ZNF706: variants seen among roughly 807,000 people sequenced by gnomAD.
ZNF706 encodes the protein transcriptional regulator ZNF706.
A neutral mutation model predicts 9.2 loss-of-function variants in ZNF706; 4 were observed. That is an observed-to-expected ratio of 0.43 (90% CI 0.21 to 0.99). ZNF706 has a LOEUF of 0.99. ZNF706 is among the 50% of genes least tolerant of loss of function. The pLI is 0.26. For missense variants in ZNF706, 27 were observed against 87.8 expected, an observed-to-expected ratio of 0.31 and a Z score of 2.77; for synonymous variants, 28 against 27.3, an observed-to-expected ratio of 1.03 and a Z score of -0.08.
In ZNF706 at chr8:101,201,986, C is replaced by G. The variant is rs1810574336; in HGVS notation, c.-2-243G>C. The stretch of plus-strand genomic sequence containing the variant: ...AGCAATTCCACTCTTGGTATATACC[C>G]AATAGAAATGCAAATGTTATGTACA... On this transcript the variant is annotated intron_variant, in intron 1 of 3. Coordinates refer to ENST00000311212, the MANE Select transcript of ZNF706 (RefSeq NM_016096.5). The surrounding 1 kb of genome is among the most constrained non-coding windows in gnomAD (Gnocchi z 4.5). Among the ~76,000 whole-genome samples the G allele has an allele frequency of 6.6e-6, 1 of 151,946 alleles. No individual in the cohort carries two copies. Among genetic ancestry groups the G allele is most frequent in the Admixed American group, 6.6e-5 (1 of 15,252 alleles).
At chr8:101,204,998 C>G (rs993038435) in intron 1 of ZNF706, 3 of 970,076 alleles carry the variant, frequency 3.1e-6, no homozygotes, top group South Asian at 4.8e-5. Context: ...GCCTGGCGCA[C>G]CTTCCTTCCC....
rs1388637281 is a variant in ZNF706, at chr8:101,199,191, T to C, written c.*61A>G. The stretch of plus-strand genomic sequence containing the variant: ...TGTTAGAAAAGCAGCTGCAGGTATG[T>C]TACCTAAGGTCTGAGACAGTAGAAG... On this transcript the variant is annotated 3_prime_UTR_variant, in exon 4 of 4. Coordinates refer to ENST00000311212, the MANE Select transcript of ZNF706 (RefSeq NM_016096.5). 1.4e-6 allele frequency: 1 copy of C among 697,108 alleles called. No individual in the cohort carries two copies. Among genetic ancestry groups the C allele is most frequent in the Non-Finnish European group, 2.6e-6 (1 of 382,662 alleles). 43.2% of individuals were successfully genotyped at this position (697,108 alleles called of 1,614,324 possible).
chr8:101,197,403 T>C lies in ZNF706; in HGVS notation c.*1849A>G, dbSNP rs1165171994. On this transcript the variant is annotated 3_prime_UTR_variant, in exon 4 of 4. Transcript: ENST00000311212. The stretch of plus-strand genomic sequence containing the variant: ...TGAAGTATAAGGATGATTATGCTCA[T>C]GTAAGATCAATGCAGCTATTTCCCT... 6.6e-6 allele frequency: 1 copy of C among 152,190 alleles called. No individual in the cohort carries two copies. Among genetic ancestry groups the C allele is most frequent in the Non-Finnish European group, 1.5e-5 (1 of 68,016 alleles). The allele number at this position is 152,190 out of a possible 1,614,324, so 9.4% of individuals were successfully genotyped here.
intron 1 of ZNF706, chr8:101,203,231 C>T (rs550467923): frequency 6.6e-6 from 1 of 152,164 alleles, no homozygotes; most frequent in African/African-American, 2.4e-5. Context: ...AAATTAAAGG[C>T]TTTTATTCGA....
Position 101,199,022 on chromosome 8 carries a change from T to G in ZNF706, c.*230A>C, listed in dbSNP as rs896403829. ...TAATTACAATTGTAAAAAAATTTTTTATAACAAGGATGGACTGATTTTCAT... is the reference window on the plus strand; with the variant it reads ...TAATTACAATTGTAAAAAAATTTTTGATAACAAGGATGGACTGATTTTCAT... On this transcript the variant is annotated 3_prime_UTR_variant, in exon 4 of 4. Coordinates refer to ENST00000311212, the MANE Select transcript of ZNF706 (RefSeq NM_016096.5). 4.7e-6 allele frequency: 2 copies of G among 423,216 alleles called. No homozygotes were observed. Among genetic ancestry groups the G allele is most frequent in the African/African-American group, 2.0e-5 (1 of 49,966 alleles). 26.2% of individuals were successfully genotyped at this position (423,216 alleles called of 1,614,324 possible).
Position 101,204,665 on chromosome 8 carries a change from G to A in ZNF706, c.-3+770C>T, listed in dbSNP as rs910480994. ...AAATACCTACATGCTGGTTTTTAAT[G>A]CAACTCTCAGTGTGGTTTTCCGAGG... On this transcript the variant is annotated intron_variant, in intron 1 of 3. Coordinates refer to ENST00000311212, the MANE Select transcript of ZNF706 (RefSeq NM_016096.5). 39 of 985,458 alleles carry A rather than the reference G, an allele frequency of 4.0e-5. No homozygotes were observed. In the African/African-American group the frequency reaches 5.8e-4, roughly 15 times the overall value. The allele number at this position is 985,458 out of a possible 1,614,324, so 61.0% of individuals were successfully genotyped here. A position where few individuals can be genotyped will look rare whatever the true frequency, so the allele number is the denominator to read the frequency against.
chr8:101,200,388 C>A, intron 2 of ZNF706: 1 of 244,238 alleles, frequency 4.1e-6, no homozygotes, highest in Non-Finnish European at 8.2e-6. Context: ...AGCATGTTAC[C>A]TTAATTCCCA....
chr8:101,199,348 CT>C (rs1216634745), intron 3 of ZNF706, 109 bp from the exon 4 acceptor site: 1 of 650,390 alleles, frequency 1.5e-6, no homozygotes, highest in South Asian at 1.7e-5. Context: ...ATCTGGTAAA[CT>C]TGTCAACTCG....
chr8:101,200,383 G>C (rs1174788181), intron 2 of ZNF706: 2 of 240,504 alleles, frequency 8.3e-6, no homozygotes, highest in Admixed American at 5.1e-5. Context: ...TATTAAGCAT[G>C]TTACCTTAAT....
intron 1 of ZNF706, chr8:101,203,216 C>T (rs967415898): frequency 1.3e-5 from 2 of 151,990 alleles, no homozygotes; most frequent in African/African-American, 4.8e-5. Context: ...TTTACTTTTC[C>T]ATTTAAATTA....
rs1394415642 is a variant in ZNF706, at chr8:101,197,681, GT to G, written c.*1570del. On this transcript the variant is annotated 3_prime_UTR_variant, in exon 4 of 4. Transcript: ENST00000311212. ...ACAAGAAATTAGGTAAAATTCTAAC[GT>G]TCTGGTAATCGACATGTTAGGAAAC... The G allele has an allele frequency of 6.6e-6, 1 of 152,160 alleles. No homozygotes were observed. The highest frequency in any genetic ancestry group is 1.5e-5 in the Non-Finnish European group (1 of 68,012). 9.4% of individuals were successfully genotyped at this position (152,160 alleles called of 1,614,324 possible).
In ZNF706 at chr8:101,205,362, CCCCCCGCTGGCCGG is replaced by C. The variant is rs2129918652; in HGVS notation, c.-3+59_-3+72del. On this transcript the variant is annotated intron_variant, in intron 1 of 3. Transcript: ENST00000311212. This position sits in a 1 kb window ranked among gnomAD's most constrained non-coding sequence, Gnocchi z 6.6. ...GCGGCGAGTCCCACGGTCCCCACCG[CCCCCCGCTGGCCGG>C]CCCCCGCCCCGTTTCCCGGGCGTCC... is the stretch of plus-strand genomic sequence containing the variant. 6.6e-6 allele frequency: 1 copy of C among 151,594 alleles called. No homozygotes were observed. Among genetic ancestry groups the C allele is most frequent in the Non-Finnish European group, 1.5e-5 (1 of 67,908 alleles). 9.4% of individuals were successfully genotyped at this position (151,594 alleles called of 1,614,324 possible). A position where few individuals can be genotyped will look rare whatever the true frequency, so the allele number is the denominator to read the frequency against.
rs372341385 is a variant in ZNF706 at position 101,204,253 on chromosome 8, CT to C, written c.-3+1181del. 8.3e-4 allele frequency: 126 copies of C among 152,326 alleles called. 1 individual carries two copies. The highest frequency in any genetic ancestry group is 2.7e-3 in the African/African-American group (111 of 41,576). 9.4% of individuals were successfully genotyped at this position (152,326 alleles called of 1,614,324 possible). A position where few individuals can be genotyped will look rare whatever the true frequency, so the allele number is the denominator to read the frequency against. On this transcript the variant is annotated intron_variant, in intron 1 of 3. Transcript: ENST00000311212. The stretch of plus-strand genomic sequence containing the variant: ...ATTAGACACACAAAATTATTTTTAA[CT>C]TTTGCACTTAGGACTTTCCCTAAAA...
chr8:101,202,488 T>C (rs1045996966), intron 1 of ZNF706: 5 of 151,798 alleles, frequency 3.3e-5, no homozygotes, highest in African/African-American at 9.7e-5. Flanking sequence ...AAACAAAAAA[T>C]TGTTACAAGT....
Position 101,199,082 on chromosome 8 carries a change from G to C in ZNF706, c.*170C>G, listed in dbSNP as rs1810465912. 5.8e-6 allele frequency: 3 copies of C among 519,142 alleles called. No homozygotes were observed. The highest frequency in any genetic ancestry group is 1.0e-5 in the Non-Finnish European group (3 of 290,634). The allele number at this position is 519,142 out of a possible 1,614,324, so 32.2% of individuals were successfully genotyped here. Reference sequence around the variant, plus strand: ...TCAGAGTCAACTGTACATTTACACAGAATTGTCTTTGCATGAAGCCCAAGA... The same window carrying C: ...TCAGAGTCAACTGTACATTTACACACAATTGTCTTTGCATGAAGCCCAAGA... On this transcript the variant is annotated 3_prime_UTR_variant, in exon 4 of 4. Coordinates refer to ENST00000311212, the MANE Select transcript of ZNF706 (RefSeq NM_016096.5).
rs1404435753 is a variant in ZNF706, at chr8:101,198,366, T to C, written c.*886A>G. On this transcript the variant is annotated 3_prime_UTR_variant, in exon 4 of 4. Transcript: ENST00000311212. ...TCCATTTGTAAAAATGGCCAAATAG[T>C]AACTTCCAAAAACCTCAAAAATTAA... 1 of 152,196 alleles carries C rather than the reference T, an allele frequency of 6.6e-6. No individual in the cohort carries two copies. Among genetic ancestry groups the C allele is most frequent in the Non-Finnish European group, 1.5e-5 (1 of 68,028 alleles). 9.4% of individuals were successfully genotyped at this position (152,196 alleles called of 1,614,324 possible).
In ZNF706 at chr8:101,201,153, T is replaced by C. The variant is rs1022600926; in HGVS notation, c.135+454A>G. The C allele has an allele frequency of 8.0e-5, 13 of 162,144 alleles. No individual in the cohort carries two copies. The highest frequency in any genetic ancestry group is 3.0e-3 in the Middle Eastern group (1 of 332). The allele number at this position is 162,144 out of a possible 1,614,324, so 10.0% of individuals were successfully genotyped here. A position where few individuals can be genotyped will look rare whatever the true frequency, so the allele number is the denominator to read the frequency against. On this transcript the variant is annotated intron_variant, in intron 2 of 3. Transcript: ENST00000311212. This position sits in a 1 kb window ranked among gnomAD's most constrained non-coding sequence, Gnocchi z 4.5. ...TATTATTACAGTTCTTCAAATCTAA[T>C]ACAACACATTAATTCTAGGAAAAGC...
chr8:101,205,338 C>G lies in ZNF706; in HGVS notation c.-3+97G>C, dbSNP rs1810718908. ...GCCCCCCGCGACCCCTCGCGACCCG[C>G]GGCGAGTCCCACGGTCCCCACCGCC... is the stretch of plus-strand genomic sequence containing the variant. On this transcript the variant is annotated intron_variant, in intron 1 of 3. Coordinates refer to ENST00000311212, the MANE Select transcript of ZNF706 (RefSeq NM_016096.5). This position sits in a 1 kb window ranked among gnomAD's most constrained non-coding sequence, Gnocchi z 6.6. 1 of 151,284 alleles carries G rather than the reference C, an allele frequency of 6.6e-6. No homozygotes were observed. Among genetic ancestry groups the G allele is most frequent in the Admixed American group, 6.6e-5 (1 of 15,176 alleles). The allele number at this position is 151,284 out of a possible 1,614,324, so 9.4% of individuals were successfully genotyped here.
chr8:101,201,664 T>C lies in ZNF706; in HGVS notation c.78A>G (p.Gly26=). ...KKQAGQKKKQ[G]HDQKAAAKAA... The stretch of plus-strand genomic sequence containing the variant: ...CTTTGGCAGCAGCCTTTTGGTCATG[T>C]CCTTGTTTCTTCTTTTGTCCAGCTT... Residue 26 remains glycine (G), a synonymous_variant, in exon 2 of 4, where the codon GGA becomes GGG. Transcript: ENST00000311212. The surrounding 1 kb of genome is among the most constrained non-coding windows in gnomAD (Gnocchi z 4.5). 6.2e-7 allele frequency: 1 copy of C among 1,613,384 alleles called. No homozygotes were observed. Among genetic ancestry groups the C allele is most frequent in the Non-Finnish European group, 8.5e-7 (1 of 1,180,024 alleles).
Sources: allele counts gnomAD v4.1 joint callset (sites outside exome capture counted in the v4.1 genomes callset), GRCh38; gene constraint gnomAD v4.1.1; non-coding constraint Gnocchi (gnomAD v3.1); transcripts MANE v1.5; gene names NCBI Gene and HGNC (gene_info 2026-07-23, HGNC 2026-07-21).